The following ELL2 variants were observed in gnomAD, a reference collection of about 807,000 sequenced individuals.
ELL2 encodes RNA polymerase II elongation factor ELL2.
A neutral mutation model predicts 72.8 loss-of-function variants in ELL2; 21 were observed. That is an observed-to-expected ratio of 0.29 (90% CI 0.20 to 0.42). ELL2 has a LOEUF of 0.42. Among genes scored for constraint, ELL2 ranks in the 10% least tolerant of loss-of-function variants. ELL2 has a pLI of 1.00. For synonymous variants in ELL2, 266 were observed against 283.2 expected, an observed-to-expected ratio of 0.94 and a Z score of 0.61; for missense variants, 568 against 772.8, an observed-to-expected ratio of 0.73 and a Z score of 3.14.
chr5:95,949,855 A>G (rs1200888945), intron 1 of ELL2, among the ~76,000 whole-genome samples: 1 of 152,216 alleles, frequency 6.6e-6, no homozygotes, highest in Non-Finnish European at 1.5e-5. Context: ...GAGCGTTTAC[A>G]ATGTGTCAGG....
chr5:95,926,825 C>G (rs1213904121), intron 2 of ELL2, among the ~76,000 whole-genome samples: 3 of 152,096 alleles, frequency 2.0e-5, no homozygotes, highest in Admixed American at 1.3e-4. Context: ...CATTTCAAAA[C>G]CAATTTTAAT....
At chr5:95,903,075 T>G (rs1278469399) in intron 5 of ELL2, among the ~76,000 whole-genome samples, 1 of 151,802 alleles carries the variant, frequency 6.6e-6, no homozygotes, top group African/African-American at 2.4e-5. Context: ...TGTGAGCCAC[T>G]ACGCCCCACT....
Position 95,898,478 on chromosome 5 carries a change from A to G in ELL2, c.1287T>C (p.Tyr429=), listed in dbSNP as rs1039603824. ...AGGTTTCCAGAGAAGTCCTAGAGGT[A>G]TATTTGTCTTGCTGGTCCTCATAGA... ...DSIYEDQQDK[Y]TSRTSLETLP... is the part of the protein sequence containing the mutation. Residue 429 remains tyrosine (Y), a synonymous_variant, in exon 8 of 12, where the codon TAT becomes TAC. Transcript: ENST00000237853. 9 of 1,613,914 alleles carry G rather than the reference A, an allele frequency of 5.6e-6. No homozygotes were observed. Among genetic ancestry groups the G allele is most frequent in the Admixed American group, 3.3e-5 (2 of 59,988 alleles).
At chr5:95,906,361 A>G (rs1211046623) in intron 5 of ELL2, among the ~76,000 whole-genome samples, 162 bp downstream of exon 5, 1 of 152,240 alleles carries the variant, frequency 6.6e-6, no homozygotes, top group Non-Finnish European at 1.5e-5. Context: ...AAATGAGATG[A>G]TTTAACTTAA....
chr5:95,951,275 A>C (rs1470416091), intron 1 of ELL2, among the ~76,000 whole-genome samples: 1 of 152,086 alleles, frequency 6.6e-6, no homozygotes, highest in African/African-American at 2.4e-5. Context: ...AGGCTGAGGC[A>C]GGAGAATGAC....
chr5:95,961,793 G>A lies in ELL2; in HGVS notation c.-72C>T, dbSNP rs1407636895. 1.4e-6 allele frequency: 2 copies of A among 1,481,374 alleles called. No individual in the cohort carries two copies. The highest frequency in any genetic ancestry group is 1.8e-6 in the Non-Finnish European group (2 of 1,118,104). The allele number at this position is 1,481,374 out of a possible 1,614,324, so 91.8% of individuals were successfully genotyped here. A position where few individuals can be genotyped will look rare whatever the true frequency, so the allele number is the denominator to read the frequency against. ...CTCCACTGCGGCCGCGGCTGCTTGGGCTTCTGCAGCCGCCGCCACTGCTAG... is the reference window on the plus strand; with the variant it reads ...CTCCACTGCGGCCGCGGCTGCTTGGACTTCTGCAGCCGCCGCCACTGCTAG... On this transcript the variant is annotated 5_prime_UTR_variant, in exon 1 of 12. Transcript: ENST00000237853.
chr5:95,935,655 A>G (rs932447454), intron 2 of ELL2, among the ~76,000 whole-genome samples: 27 of 152,328 alleles, frequency 1.8e-4, no homozygotes, highest in African/African-American at 6.3e-4. Context: ...TTCTGATAGA[A>G]TGAGGATTGG....
intron 7 of ELL2, 195 bp downstream of exon 7, chr5:95,900,498 C>T: frequency 2.3e-6 from 1 of 438,428 alleles, no homozygotes; most frequent in Middle Eastern, 5.5e-4. Flanking sequence ...ACAAGCAGTG[C>T]TGTGTAGTGG....
chr5:95,944,683 A>G (rs990053710), intron 1 of ELL2, among the ~76,000 whole-genome samples: 2 of 152,196 alleles, frequency 1.3e-5, no homozygotes, highest in Admixed American at 1.3e-4. Flanking sequence ...TGGCCCTACA[A>G]TTGAGATTAT....
chr5:95,909,267 AC>A (rs1034085952), intron 4 of ELL2, among the ~76,000 whole-genome samples: 1 of 152,018 alleles, frequency 6.6e-6, no homozygotes, highest in Admixed American at 6.6e-5. Flanking sequence ...TGAATCCCCT[AC>A]CCCCAAAACA....
At chr5:95,913,982 C>T (rs1749697160) in intron 3 of ELL2, 48 bp from the exon 4 acceptor site, 2 of 1,475,910 alleles carry the variant, frequency 1.4e-6, no homozygotes, top group Non-Finnish European at 1.8e-6. Context: ...TCATTTTGTA[C>T]AATAAAGGCA....
Position 95,900,760 on chromosome 5 carries a change from T to C in ELL2, c.887A>G (p.Asn296Ser). Residue 296 changes from asparagine to serine, a missense_variant, in exon 7 of 12, where the codon AAT (asparagine) becomes AGT (serine). Asn to Ser is a conservative substitution (Grantham distance 46). Around this residue, in one of 2 missense-constraint regions of ELL2, gnomAD observed 511 missense variants for 728.4 expected, o/e 0.70. Coordinates refer to ENST00000237853, the MANE Select transcript of ELL2 (RefSeq NM_012081.6). The part of the protein sequence containing the change: ...VLSRKLNPSQ[N>S]AAGTSRSESP... ...TTCTGAACGGCTGGTGCCTGCAGCA[T>C]TCTGAGACGGATTTAGTTTTCTGTA... 1 of 1,607,668 alleles carries C rather than the reference T, an allele frequency of 6.2e-7. No homozygotes were observed. The highest frequency in any genetic ancestry group is 8.5e-7 in the Non-Finnish European group (1 of 1,177,748).
rs1748428325 is a variant in ELL2, at chr5:95,885,344, T to G, written c.*3527A>C. On this transcript the variant is annotated 3_prime_UTR_variant, in exon 12 of 12. Transcript: ENST00000237853. ...ACATTGATAGCATCTCCTGTGGCCT[T>G]CAGTTAGTAGTGCCAGTTAATATTG... is the stretch of plus-strand genomic sequence containing the variant. The G allele has an allele frequency of 6.6e-6, 1 of 152,226 alleles. No individual in the cohort carries two copies. Among genetic ancestry groups the G allele is most frequent in the Non-Finnish European group, 1.5e-5 (1 of 68,040 alleles). 9.4% of individuals were successfully genotyped at this position (152,226 alleles called of 1,614,324 possible). A position where few individuals can be genotyped will look rare whatever the true frequency, so the allele number is the denominator to read the frequency against.
chr5:95,931,266 C>G (rs890329206), intron 2 of ELL2, among the ~76,000 whole-genome samples: 1 of 151,878 alleles, frequency 6.6e-6, no homozygotes, highest in African/African-American at 2.4e-5. Context: ...ATGATATTAC[C>G]CACCTCATAT....
chr5:95,951,380 A>AAAATAAATAAAT (rs566594776), intron 1 of ELL2, among the ~76,000 whole-genome samples: 270 of 151,436 alleles, frequency 1.8e-3, no homozygotes, highest in African/African-American at 5.7e-3. Flanking sequence ...AAAATAAAAT[A>AAAATAAATAAAT]AAATAAATAA....
intron 2 of ELL2, among the ~76,000 whole-genome samples, chr5:95,922,820 A>G (rs1489899319): frequency 2.0e-5 from 3 of 151,782 alleles, no homozygotes; most frequent in Non-Finnish European, 4.4e-5. Flanking sequence ...AAGTTTTTAA[A>G]AAATCATAAT....
At chr5:95,961,489 T>TCCGCCGGCC in intron 1 of ELL2, 86 bp downstream of exon 1, 1 of 1,345,800 alleles carries the variant, frequency 7.4e-7, no homozygotes, top group South Asian at 1.9e-5. Context: ...CAGCCACGGC[T>TCCGCCGGCC]CCGCCGGCCC....
chr5:95,957,540 T>G lies in ELL2; in HGVS notation c.147+4035A>C, dbSNP rs990654894. On this transcript the variant is annotated intron_variant, in intron 1 of 11. Transcript: ENST00000237853. Reference sequence around the variant, plus strand: ...TTTTCTGCCAATCATGAAAATAACTTTCCAGTTAACATGATACACAATCAA... The same window carrying G: ...TTTTCTGCCAATCATGAAAATAACTGTCCAGTTAACATGATACACAATCAA... Among the ~76,000 whole-genome samples, 10 of 152,244 alleles carry G rather than the reference T, an allele frequency of 6.6e-5. No individual in the cohort carries two copies. In the South Asian group the frequency reaches 1.0e-3, roughly 16 times the overall value.
chr5:95,925,776 A>G (rs549049955), intron 2 of ELL2, among the ~76,000 whole-genome samples: 1 of 152,290 alleles, frequency 6.6e-6, no homozygotes, highest in South Asian at 2.1e-4. Context: ...TTTCATACTG[A>G]ATAGTTTCCC....
Sources: gnomAD v4.1 joint callset for allele counts (sites outside exome capture counted in the v4.1 genomes callset) on GRCh38, gnomAD v4.1.1 for gene constraint, gnomAD v4.1.1 regional missense constraint, MANE v1.5 for transcripts, NCBI Gene and HGNC (gene_info 2026-07-23, HGNC 2026-07-21) for gene names.